Variants in MAP3K2 observed in about 807,000 individuals in gnomAD.
The protein encoded by MAP3K2 is MAP/ERK kinase kinase 2.
MAP3K2 carries 24 observed loss-of-function variants against 80.3 expected under a neutral mutation model. The observed-to-expected ratio is 0.30, with a 90% CI of 0.22 to 0.42. The LOEUF is 0.42. MAP3K2 is among the 10% of genes least tolerant of loss of function. The pLI is 1.00. For missense variants in MAP3K2, 608 were observed against 750.1 expected (o/e 0.81, Z 2.21); for synonymous variants, 244 against 253.7 (o/e 0.96, Z 0.36).
At position 127,385,487 on chromosome 2, in the gene MAP3K2, A is replaced by G. The variant is rs181629962; in HGVS notation, c.-66+1965T>C. Among the ~76,000 whole-genome samples the G allele has an allele frequency of 2.6e-5, 4 of 152,360 alleles. No homozygotes were observed. The East Asian group carries it at 7.7e-4, about 29-fold the overall frequency. ...ATAACTATATGCACCGTGAAACTAA[A>G]AAGTTTATGTGACTCACTTCTTTTC... On this transcript the variant is annotated intron_variant, in intron 1 of 16. Transcript: ENST00000682094.
rs959925791 is a variant in MAP3K2 at position 127,302,875 on chromosome 2, T to G, written c.*4704A>C. On this transcript the variant is annotated 3_prime_UTR_variant, in exon 17 of 17. Coordinates refer to ENST00000682094, the MANE Select transcript of MAP3K2 (RefSeq NM_001371910.2). ...AAATCCTAATGTTTCTCTCCTAACA[T>G]TTATTTATTTATTTATTTATTTTTT... 1 of 146,482 alleles carries G rather than the reference T, an allele frequency of 6.8e-6. No homozygotes were observed. The highest frequency in any genetic ancestry group is 1.5e-5 in the Non-Finnish European group (1 of 67,784). 9.1% of individuals were successfully genotyped at this position (146,482 alleles called of 1,614,324 possible).
At position 127,326,724 on chromosome 2, in the gene MAP3K2, T is replaced by C; in HGVS notation, c.560A>G (p.Asn187Ser). 6.2e-7 allele frequency: 1 copy of C among 1,606,058 alleles called. No individual in the cohort carries two copies. Among genetic ancestry groups the C allele is most frequent in the Non-Finnish European group, 8.5e-7 (1 of 1,176,388 alleles). ...CTCTGGAATGAACTCTCCTTCACTG[T>C]TGATACTAGTGAATGACCCATTCCG... is the stretch of plus-strand genomic sequence containing the variant. ...VARNGSFTSINSEGEFIPESM... is the reference protein window; with the variant it reads ...VARNGSFTSISSEGEFIPESM... The change falls in exon 8 of 17, where the codon AAC becomes AGC. Residue 187 changes from asparagine (N) to serine (S), a missense_variant. Physicochemically the swap from Asn to Ser is conservative, Grantham distance 46. This residue lies in a region of MAP3K2 where 467 missense variants were observed against 521.9 expected (regional missense o/e 0.89). Transcript: ENST00000682094.
At chr2:127,374,029 C>A (rs1017003328) in intron 1 of MAP3K2, among the ~76,000 whole-genome samples, 4 of 152,190 alleles carry the variant, frequency 2.6e-5, no homozygotes, top group Non-Finnish European at 4.4e-5. Flanking sequence ...ATACCTAATG[C>A]TTTAACATTG....
upstream of MAP3K2, chr2:127,387,993 G>A (rs1239928362): frequency 2.0e-6 from 2 of 983,910 alleles, no homozygotes; most frequent in African/African-American, 1.8e-5. Flanking sequence ...GTAGCGCGGC[G>A]CACGTCACGG....
chr2:127,301,910 G>A lies in MAP3K2; in HGVS notation c.*5669C>T, dbSNP rs1246210997. 1 of 152,126 alleles carries A rather than the reference G, an allele frequency of 6.6e-6. No individual in the cohort carries two copies. Among genetic ancestry groups the A allele is most frequent in the Non-Finnish European group, 1.5e-5 (1 of 68,034 alleles). The allele number at this position is 152,126 out of a possible 1,614,324, so 9.4% of individuals were successfully genotyped here. A position where few individuals can be genotyped will look rare whatever the true frequency, so the allele number is the denominator to read the frequency against. ...GGAAGGTGAGTATGGGAAGATGGGAGGCCCTGATACTTCCCACACCTACCA... is the reference window on the plus strand; with the variant it reads ...GGAAGGTGAGTATGGGAAGATGGGAAGCCCTGATACTTCCCACACCTACCA... On this transcript the variant is annotated 3_prime_UTR_variant, in exon 17 of 17. Coordinates refer to ENST00000682094, the MANE Select transcript of MAP3K2 (RefSeq NM_001371910.2).
Position 127,326,728 on chromosome 2 carries a change from T to A in MAP3K2, c.556A>T (p.Ile186Phe). The change falls in exon 8 of 17, where the codon ATC becomes TTC. Residue 186 changes from isoleucine (I) to phenylalanine (F), a missense_variant. By Grantham distance (21) the Ile-to-Phe change is conservative (BLOSUM62 0). Around this residue, in one of 4 missense-constraint regions of MAP3K2, gnomAD observed 467 missense variants for 521.9 expected, o/e 0.89. Coordinates refer to ENST00000682094, the MANE Select transcript of MAP3K2 (RefSeq NM_001371910.2). ...GGAATGAACTCTCCTTCACTGTTGA[T>A]ACTAGTGAATGACCCATTCCGGGCA... is the stretch of plus-strand genomic sequence containing the variant. ...QVARNGSFTS[I>F]NSEGEFIPES... 6.2e-7 allele frequency: 1 copy of A among 1,606,826 alleles called. No homozygotes were observed. Among genetic ancestry groups the A allele is most frequent in the Non-Finnish European group, 8.5e-7 (1 of 1,176,448 alleles).
Position 127,387,548 on chromosome 2 carries a change from C to T in MAP3K2, c.-162G>A. On this transcript the variant is annotated 5_prime_UTR_variant, in exon 1 of 17. Coordinates refer to ENST00000682094, the MANE Select transcript of MAP3K2 (RefSeq NM_001371910.2). ...CCCCAGCGCGGCCTGTCACCGCGGCCCCAGGTCGGGGGCTGCCGCAGGGCC... is the reference window on the plus strand; with the variant it reads ...CCCCAGCGCGGCCTGTCACCGCGGCTCCAGGTCGGGGGCTGCCGCAGGGCC... 1 of 985,012 alleles carries T rather than the reference C, an allele frequency of 1.0e-6. No homozygotes were observed. The highest frequency in any genetic ancestry group is 1.2e-6 in the Non-Finnish European group (1 of 829,768). The allele number at this position is 985,012 out of a possible 1,614,324, so 61.0% of individuals were successfully genotyped here. A position where few individuals can be genotyped will look rare whatever the true frequency, so the allele number is the denominator to read the frequency against.
chr2:127,339,166 G>T lies in MAP3K2; in HGVS notation c.5-116C>A. The T allele has an allele frequency of 1.6e-6, 1 of 629,700 alleles. No individual in the cohort carries two copies. The highest frequency in any genetic ancestry group is 2.8e-6 in the Non-Finnish European group (1 of 361,412). 39.0% of individuals were successfully genotyped at this position (629,700 alleles called of 1,614,324 possible). On this transcript the variant is annotated intron_variant, in intron 2 of 16. Coordinates refer to ENST00000682094, the MANE Select transcript of MAP3K2 (RefSeq NM_001371910.2). This position sits in a 1 kb window ranked among gnomAD's most constrained non-coding sequence, Gnocchi z 4.2. ...AATTTGATGTAGAGAATGTATTAATGCAAAAATGCATCTAGAACATTTTTA... is the reference window on the plus strand; with the variant it reads ...AATTTGATGTAGAGAATGTATTAATTCAAAAATGCATCTAGAACATTTTTA...
rs13398596 is a variant in MAP3K2, at chr2:127,311,641, C to T, written c.1457-2879G>A. 3.3e-3 allele frequency among the ~76,000 whole-genome samples: 507 copies of T among 152,254 alleles called. 4 individuals are homozygous for T. The highest frequency in any genetic ancestry group is 0.012 in the African/African-American group (485 of 41,544). On this transcript the variant is annotated intron_variant, in intron 15 of 16. Coordinates refer to ENST00000682094, the MANE Select transcript of MAP3K2 (RefSeq NM_001371910.2). ...CCCAGCCATACTGCCAACCACTCCCCCTCCCCTCTCTAGGATTTGAAGCAA... is the reference window on the plus strand; with the variant it reads ...CCCAGCCATACTGCCAACCACTCCCTCTCCCCTCTCTAGGATTTGAAGCAA...
At chr2:127,325,231 C>T (rs1686108577) in intron 9 of MAP3K2, among the ~76,000 whole-genome samples, 1 of 152,148 alleles carries the variant, frequency 6.6e-6, no homozygotes, top group South Asian at 2.1e-4. Context: ...TACTGAGTCC[C>T]ATGAGGTAAA....
chr2:127,317,536 T>A, intron 14 of MAP3K2, 93 bp downstream of exon 14: 1 of 1,107,822 alleles, frequency 9.0e-7, no homozygotes, highest in Non-Finnish European at 1.2e-6. Flanking sequence ...TTAACTAGGG[T>A]TAACATTTTA....
intron 15 of MAP3K2, among the ~76,000 whole-genome samples, chr2:127,312,371 G>A (rs773275260): frequency 2.0e-5 from 3 of 152,056 alleles, no homozygotes; most frequent in African/African-American, 4.8e-5. Context: ...ATGACTTCAC[G>A]GGTCTAAATT....
At chr2:127,347,639 A>G (rs1039433069) in intron 1 of MAP3K2, among the ~76,000 whole-genome samples, 3 of 152,146 alleles carry the variant, frequency 2.0e-5, no homozygotes, top group African/African-American at 7.2e-5. Flanking sequence ...TGGGAAAACA[A>G]TATTTTTAAG....
chr2:127,387,998 T>C (rs1687406489), upstream of MAP3K2: 1 of 983,040 alleles, frequency 1.0e-6, no homozygotes, highest in Non-Finnish European at 1.2e-6. Context: ...GCGGCGCACG[T>C]CACGGCCGCT....
chr2:127,347,533 C>CAA (rs35552566), intron 1 of MAP3K2, among the ~76,000 whole-genome samples: 2 of 151,902 alleles, frequency 1.3e-5, no homozygotes, highest in South Asian at 4.2e-4. Flanking sequence ...TTAACAACAA[C>CAA]AAAAAAATGC....
intron 1 of MAP3K2, among the ~76,000 whole-genome samples, chr2:127,361,428 T>C (rs1686890178): frequency 6.6e-6 from 1 of 151,058 alleles, no homozygotes; most frequent in African/African-American, 2.4e-5. Flanking sequence ...AAAGAAATAA[T>C]ACTTCCATAG....
chr2:127,380,454 A>G (rs1426949131), intron 1 of MAP3K2, among the ~76,000 whole-genome samples: 1 of 152,222 alleles, frequency 6.6e-6, no homozygotes, highest in Non-Finnish European at 1.5e-5. Flanking sequence ...AAGTTTATAA[A>G]CCTCGTAGTG....
At chr2:127,368,310 A>C (rs533255770) in intron 1 of MAP3K2, among the ~76,000 whole-genome samples, 1 of 143,616 alleles carries the variant, frequency 7.0e-6, no homozygotes, top group East Asian at 2.1e-4. Context: ...TGACAGAACA[A>C]GACACTGTCT....
At chr2:127,384,217 T>G (rs796298745) in intron 1 of MAP3K2, among the ~76,000 whole-genome samples, 1,890 of 148,476 alleles carry the variant, frequency 0.013, 113 homozygotes, top group Admixed American at 0.1. Flanking sequence ...TTAATTGATA[T>G]ATATATATAT....
Sources: allele counts gnomAD v4.1 joint callset (sites outside exome capture counted in the v4.1 genomes callset), GRCh38; gene constraint gnomAD v4.1.1; regional missense constraint gnomAD v4.1.1; non-coding constraint Gnocchi (gnomAD v3.1); transcripts MANE v1.5; gene names NCBI Gene and HGNC (gene_info 2026-07-23, HGNC 2026-07-21).